The following COL5A1 variants were observed in gnomAD, a reference collection of about 807,000 sequenced individuals.
COL5A1 encodes collagen alpha-1(V) chain.
Under a neutral mutation model 263.7 loss-of-function variants are expected in COL5A1, and 16 were observed. The ratio of observed to expected loss-of-function variants is 0.06; its 90% CI spans 0.04 to 0.09. The LOEUF (loss-of-function observed/expected upper bound fraction) is 0.09. COL5A1 is among the 10% of genes least tolerant of loss of function. The pLI is 1.00. For missense variants in COL5A1, 2,036 were observed against 2,540.5 expected, an observed-to-expected ratio of 0.80 and a Z score of 4.27; for synonymous variants, 1,012 against 1,004.5, an observed-to-expected ratio of 1.01 and a Z score of -0.14.
chr9:134,736,794 A>C (rs2132652171), intron 9 of COL5A1, among the ~76,000 whole-genome samples: 1 of 152,360 alleles, frequency 6.6e-6, no homozygotes, highest in Non-Finnish European at 1.5e-5. Context: ...TCATGCTTCC[A>C]AACTACATGG....
intron 1 of COL5A1, among the ~76,000 whole-genome samples, chr9:134,669,239 T>TCCCTC: frequency 2.4e-5 from 1 of 40,856 alleles, no homozygotes; most frequent in Non-Finnish European, 4.4e-5. Flanking sequence ...TCCCTTTCCT[T>TCCCTC]CCCTTCCCTT....
intron 1 of COL5A1, among the ~76,000 whole-genome samples, chr9:134,646,116 A>G (rs1171230723): frequency 1.3e-5 from 2 of 151,950 alleles, no homozygotes; most frequent in African/African-American, 4.8e-5. Flanking sequence ...CATCAGCATA[A>G]CCTGCCTGGA....
At position 134,825,006 on chromosome 9, in the gene COL5A1, G is replaced by A. The variant is rs540894672; in HGVS notation, c.4954+151G>A. On this transcript the variant is annotated intron_variant, in intron 62 of 65. Transcript: ENST00000371817. ...CCATCTGTGGGGCCGGGGTGCGCAA[G>A]AGCCTCCCCTCTTGAACTTTATGGA... 9.5e-6 allele frequency: 11 copies of A among 1,160,724 alleles called. No homozygotes were observed. The African/African-American group carries it at 1.7e-4, about 18-fold the overall frequency. 71.9% of individuals were successfully genotyped at this position (1,160,724 alleles called of 1,614,324 possible).
chr9:134,806,522 A>G (rs763000113), intron 42 of COL5A1, among the ~76,000 whole-genome samples: 1 of 152,154 alleles, frequency 6.6e-6, no homozygotes, highest in Non-Finnish European at 1.5e-5. Flanking sequence ...TCTTTCCGCC[A>G]TCAGCTGAGC....
At chr9:134,656,104 C>A (rs1831962101) in intron 1 of COL5A1, among the ~76,000 whole-genome samples, 1 of 152,276 alleles carries the variant, frequency 6.6e-6, no homozygotes, top group South Asian at 2.1e-4. Flanking sequence ...GCCTGGGACC[C>A]TCACAGTGGA....
intron 9 of COL5A1, 43 bp downstream of exon 9, chr9:134,732,170 C>T: frequency 1.2e-6 from 2 of 1,607,748 alleles, no homozygotes; most frequent in Non-Finnish European, 8.5e-7. Flanking sequence ...GGGGTGTCCG[C>T]TGCTCGGGGT....
intron 1 of COL5A1, among the ~76,000 whole-genome samples, chr9:134,664,726 C>T (rs913255899): frequency 2.6e-5 from 4 of 152,218 alleles, no homozygotes; most frequent in South Asian, 2.1e-4. Context: ...CCCATGGTGC[C>T]TTCTCTGAAA....
intron 2 of COL5A1, among the ~76,000 whole-genome samples, chr9:134,692,943 C>T (rs1014928329): frequency 9.2e-5 from 14 of 151,884 alleles, no homozygotes; most frequent in East Asian, 1.9e-4. Flanking sequence ...CGTGGTGGTG[C>T]GCGCCTGTAA....
chr9:134,782,412 C>G (rs920993012), intron 28 of COL5A1: 18 of 586,858 alleles, frequency 3.1e-5, no homozygotes, highest in Admixed American at 8.8e-5. Context: ...GCAGAACATT[C>G]AGATTCAAAC....
At chr9:134,691,189 A>G in intron 2 of COL5A1, 110 bp downstream of exon 2, 2 of 1,403,264 alleles carry the variant, frequency 1.4e-6, no homozygotes, top group South Asian at 2.4e-5. Context: ...TCAGCTTTCC[A>G]GGAAGCCCCT....
At chr9:134,805,338 G>A (rs1838257755) in intron 41 of COL5A1, 124 bp downstream of exon 41, 6 of 1,176,052 alleles carry the variant, frequency 5.1e-6, no homozygotes, top group South Asian at 4.9e-5. Context: ...GGAGGATGTG[G>A]AGGGGGGAAA....
chr9:134,747,915 A>G (rs1835606399), intron 11 of COL5A1, among the ~76,000 whole-genome samples: 1 of 148,208 alleles, frequency 6.7e-6, no homozygotes, highest in Non-Finnish European at 1.5e-5. Flanking sequence ...AGACACATGC[A>G]CACATGCATT....
chr9:134,774,883 A>C lies in COL5A1; in HGVS notation c.2356A>C (p.Ile786Leu). The C allele has an allele frequency of 6.2e-7, 1 of 1,613,868 alleles. No individual in the cohort carries two copies. Among genetic ancestry groups the C allele is most frequent in the Non-Finnish European group, 8.5e-7 (1 of 1,179,932 alleles). ...GQGPPGPQGP[I>L]GYPGPRGVKG... is the part of the protein sequence containing the mutation. ...GGGTCCACCTGGCCCCCAGGGTCCG[A>C]TTGGCTACCCAGGTCCTCGAGGAGT... is the stretch of plus-strand genomic sequence containing the variant. The change falls in exon 27 of 66, where the codon ATT becomes CTT. Residue 786 changes from isoleucine to leucine, a missense_variant. Physicochemically the swap from Ile to Leu is conservative, Grantham distance 5 (BLOSUM62 2). This residue lies in a region of COL5A1 where 1,078 missense variants were observed against 1,521.4 expected (regional missense o/e 0.71). Transcript: ENST00000371817.
chr9:134,765,163 T>C lies in COL5A1; in HGVS notation c.2035-518T>C, dbSNP rs187682132. Among the ~76,000 whole-genome samples, 84 of 152,308 alleles carry C rather than the reference T, an allele frequency of 5.5e-4. No homozygotes were observed. Among genetic ancestry groups the C allele is most frequent in the African/African-American group, 1.9e-3 (78 of 41,572 alleles). On this transcript the variant is annotated intron_variant, in intron 20 of 65. Transcript: ENST00000371817. This position sits in a 1 kb window ranked among gnomAD's most constrained non-coding sequence, Gnocchi z 5.1. ...AAGATCTGTACCCCACGCCTCCTTC[T>C]GCACATTCAGTCTTGGGGTTCCCAC... is the stretch of plus-strand genomic sequence containing the variant.
intron 9 of COL5A1, among the ~76,000 whole-genome samples, chr9:134,736,604 C>A (rs1233799723): frequency 6.6e-6 from 1 of 152,230 alleles, no homozygotes; most frequent in East Asian, 1.9e-4. Flanking sequence ...TCTGTCCCAG[C>A]CCCCAAATTC....
intron 1 of COL5A1, among the ~76,000 whole-genome samples, chr9:134,673,245 T>C (rs998828322): frequency 2.0e-5 from 3 of 152,370 alleles, no homozygotes; most frequent in Non-Finnish European, 2.9e-5. Context: ...GGAGGGCTTA[T>C]GCTTTGTGAT....
In COL5A1 at chr9:134,820,073, G is replaced by A. The variant is rs199500396; in HGVS notation, c.4447-43G>A. On this transcript the variant is annotated intron_variant, in intron 57 of 65. Transcript: ENST00000371817. Reference sequence around the variant, plus strand: ...GGCCCACCGTGGCCGAGCATGAGGCGTGGCTCCCTCAAATGCCCCTTCCTG... The same window carrying A: ...GGCCCACCGTGGCCGAGCATGAGGCATGGCTCCCTCAAATGCCCCTTCCTG... 5.1e-5 allele frequency: 76 copies of A among 1,484,316 alleles called. No homozygotes were observed. The African/African-American group carries it at 6.4e-4, about 12-fold the overall frequency. The allele number at this position is 1,484,316 out of a possible 1,614,324, so 91.9% of individuals were successfully genotyped here. A position where few individuals can be genotyped will look rare whatever the true frequency, so the allele number is the denominator to read the frequency against.
chr9:134,803,844 A>G (rs1261650824), intron 39 of COL5A1, among the ~76,000 whole-genome samples: 1 of 151,052 alleles, frequency 6.6e-6, no homozygotes, highest in Non-Finnish European at 1.5e-5. Flanking sequence ...CTCCATCTCA[A>G]AAAAAAGAAA....
chr9:134,804,779 C>A (rs1483838515), intron 39 of COL5A1, among the ~76,000 whole-genome samples, 196 bp from the exon 40 acceptor site: 1 of 152,210 alleles, frequency 6.6e-6, no homozygotes, highest in Non-Finnish European at 1.5e-5. Context: ...CTTGGCCTTG[C>A]TCCGGGGCTG....
Sources: gnomAD v4.1 joint callset for allele counts (sites outside exome capture counted in the v4.1 genomes callset) on GRCh38, gnomAD v4.1.1 for gene constraint, gnomAD v4.1.1 regional missense constraint, Gnocchi (gnomAD v3.1) non-coding constraint, MANE v1.5 for transcripts, NCBI Gene and HGNC (gene_info 2026-07-23, HGNC 2026-07-21) for gene names.